Variants in CD5 observed in about 807,000 individuals in gnomAD.
CD5 encodes the protein T-cell surface glycoprotein CD5.
Under a neutral mutation model 60.3 loss-of-function variants are expected in CD5, and 36 were observed. The ratio of observed to expected loss-of-function variants is 0.60; its 90% CI spans 0.46 to 0.79. The LOEUF is 0.79. Ranked by LOEUF, CD5 falls within the 30% of genes least tolerant of loss-of-function variation. The probability of loss-of-function intolerance (pLI) is 0.00; values close to 1 mark genes in which losing one functional copy is unlikely to be tolerated. For missense variants in CD5, 540 were observed against 630.6 expected (o/e 0.86, Z 1.54); for synonymous variants, 230 against 257.6 (o/e 0.89, Z 1.03).
intron 1 of CD5, among the ~76,000 whole-genome samples, chr11:61,113,943 T>A (rs926506096): frequency 4.6e-5 from 7 of 152,224 alleles, no homozygotes; most frequent in African/African-American, 1.7e-4. Context: ...GTGCTTGGAT[T>A]ATAGGCATGG....
chr11:61,106,560 C>A (rs1246652188), intron 1 of CD5, among the ~76,000 whole-genome samples: 1 of 152,182 alleles, frequency 6.6e-6, no homozygotes, highest in East Asian at 1.9e-4. Flanking sequence ...ACCTGGCCTT[C>A]CTGGGTCACT....
intron 9 of CD5, 61 bp from the exon 10 acceptor site, chr11:61,125,690 G>A (rs1861138418): frequency 8.2e-7 from 1 of 1,222,154 alleles, no homozygotes; most frequent in Non-Finnish European, 1.2e-6. Flanking sequence ...AGCGGCTCTA[G>A]GATCCAAGGG....
At position 61,122,355 on chromosome 11, in the gene CD5, G is replaced by A. The variant is rs899586213; in HGVS notation, c.1099+451G>A. Among the ~76,000 whole-genome samples, 220 of 145,684 alleles carry A rather than the reference G, an allele frequency of 1.5e-3. 4 individuals are homozygous for A. Among genetic ancestry groups the A allele is most frequent in the African/African-American group, 5.1e-3 (198 of 38,548 alleles). ...GGATGGATGGATGGATGGATGGATC[G>A]GTGGGTGGGTGGATGGATGATGGAT... On this transcript the variant is annotated intron_variant, in intron 6 of 10. Coordinates refer to ENST00000347785, the MANE Select transcript of CD5 (RefSeq NM_014207.4).
Position 61,120,348 on chromosome 11 carries a change from C to T in CD5, c.805+773C>T, listed in dbSNP as rs190032447. On this transcript the variant is annotated intron_variant, in intron 5 of 10. Coordinates refer to ENST00000347785, the MANE Select transcript of CD5 (RefSeq NM_014207.4). ...AAGTCCACACTGTACTTACCGAGAG[C>T]TTACTTCATGCAGGGACCATTCCTG... 2.9e-3 allele frequency among the ~76,000 whole-genome samples: 443 copies of T among 152,298 alleles called. 2 individuals are homozygous for T. Among genetic ancestry groups the T allele is most frequent in the African/African-American group, 0.01 (426 of 41,560 alleles).
the CD5 span, among the ~76,000 whole-genome samples, chr11:61,094,975 T>C: frequency 6.6e-6 from 1 of 152,278 alleles, no homozygotes; most frequent in Non-Finnish European, 1.5e-5. Context: ...CAGCTAGTTT[T>C]GGACCCCCCG....
At position 61,118,405 on chromosome 11, in the gene CD5, G is replaced by A. The variant is rs1276111056; in HGVS notation, c.325G>A (p.Gly109Arg). 6 of 1,614,230 alleles carry A rather than the reference G, an allele frequency of 3.7e-6. No individual in the cohort carries two copies. Among genetic ancestry groups the A allele is most frequent in the South Asian group, 2.2e-5 (2 of 91,084 alleles). ...ACCTCAGAGCTCAATCATCTGCTAC[G>A]GACAACTGGGCTCCTTCTCCAACTG... ...YTPQSSIICY[G>R]QLGSFSNCSH... Residue 109 changes from glycine (G) to arginine (R), a missense_variant, in exon 3 of 11, where the codon GGA (glycine) becomes AGA (arginine). Gly to Arg is a moderately radical substitution (Grantham distance 125). Coordinates refer to ENST00000347785, the MANE Select transcript of CD5 (RefSeq NM_014207.4). This position sits in a 1 kb window ranked among gnomAD's most constrained non-coding sequence, Gnocchi z 4.7.
intron 10 of CD5, 69 bp downstream of exon 10, chr11:61,125,910 A>G: frequency 1.0e-6 from 1 of 987,086 alleles, no homozygotes; most frequent in Non-Finnish European, 1.5e-6. Context: ...AGCAGCAGCC[A>G]CTCAATGCCT....
At chr11:61,101,400 G>GGAGATCACACACACA (rs1860683656), upstream of CD5, among the ~76,000 whole-genome samples, 1 of 33,582 alleles carries the variant, frequency 3.0e-5, no homozygotes, top group South Asian at 1.9e-3. Flanking sequence ...ACACACACAC[G>GGAGATCACACACACA]TCAACATGGA....
Position 61,121,737 on chromosome 11 carries a change from G to A in CD5, c.932G>A (p.Arg311Gln), listed in dbSNP as rs369071318. The A allele has an allele frequency of 8.1e-6, 13 of 1,610,968 alleles. No individual in the cohort carries two copies. The highest frequency in any genetic ancestry group is 1.1e-5 in the South Asian group (1 of 90,786). The change falls in exon 6 of 11, where the codon CGG (arginine) becomes CAG (glutamine). Residue 311 changes from arginine to glutamine, a missense_variant. Coordinates refer to ENST00000347785, the MANE Select transcript of CD5 (RefSeq NM_014207.4). ...CDSSSARSSLRWEEVCREQQC... is the reference protein window; with the variant it reads ...CDSSSARSSLQWEEVCREQQC... ...AGCTCTTCAGCCAGGAGCTCGCTGC[G>A]GTGGGAGGAGGTGTGCCGGGAGCAG...
chr11:61,097,631 A>G (rs1313579029), upstream of CD5, among the ~76,000 whole-genome samples: 1 of 152,186 alleles, frequency 6.6e-6, no homozygotes, highest in East Asian at 1.9e-4. Flanking sequence ...GCACTATTAA[A>G]CCATCTTTCT....
upstream of CD5, among the ~76,000 whole-genome samples, chr11:61,099,090 G>A (rs1382384124): frequency 1.3e-5 from 2 of 152,170 alleles, no homozygotes; most frequent in African/African-American, 4.8e-5. Flanking sequence ...CCCCTGCCCC[G>A]GGCTTCCCAT....
chr11:61,115,073 C>T lies in CD5; in HGVS notation c.73C>T (p.Arg25Trp), dbSNP rs146999518. The change falls in exon 2 of 11, where the codon CGG becomes TGG. Residue 25 changes from arginine (R) to tryptophan (W), a missense_variant. Physicochemically the swap from Arg to Trp is moderately radical, Grantham distance 101. Coordinates refer to ENST00000347785, the MANE Select transcript of CD5 (RefSeq NM_014207.4). ...LGMLVASCLG[R>W]LSWYDPDFQA... Reference sequence around the variant, plus strand: ...TTCTGCAGTCGCTTCCTGCCTCGGACGGCTCAGCTGGTATGACCCAGGTAA... The same window carrying T: ...TTCTGCAGTCGCTTCCTGCCTCGGATGGCTCAGCTGGTATGACCCAGGTAA... 3.3e-5 allele frequency: 51 copies of T among 1,558,766 alleles called. No individual in the cohort carries two copies. The highest frequency in any genetic ancestry group is 5.7e-5 in the Admixed American group (3 of 52,262).
chr11:61,101,268 A>C (rs375877634), upstream of CD5, among the ~76,000 whole-genome samples: 925 of 64,362 alleles, frequency 0.014, 5 homozygotes, highest in East Asian at 0.098. Context: ...GGAGATCACA[A>C]ACACACATCA....
the CD5 span, among the ~76,000 whole-genome samples, chr11:61,097,354 C>G: frequency 6.6e-6 from 1 of 152,106 alleles, no homozygotes; most frequent in Non-Finnish European, 1.5e-5. Flanking sequence ...TATTGCATAG[C>G]TAGAGAAGGA....
chr11:61,125,043 C>T lies in CD5; in HGVS notation c.1291C>T (p.Arg431Cys), dbSNP rs775211750. 1.2e-5 allele frequency: 19 copies of T among 1,614,078 alleles called. No homozygotes were observed. Among genetic ancestry groups the T allele is most frequent in the East Asian group, 2.2e-5 (1 of 44,860 alleles). The part of the protein sequence containing the change: ...TGMNQNMSFH[R>C]NHTATVRSHA... ...TACCATCTGCCCAGTGTCTTTCCATCGCAACCACACGGCAACCGTCCGATC... is the reference window on the plus strand; with the variant it reads ...TACCATCTGCCCAGTGTCTTTCCATTGCAACCACACGGCAACCGTCCGATC... The change falls in exon 9 of 11, where the codon CGC becomes TGC. Residue 431 changes from arginine to cysteine, a missense_variant. Physicochemically the swap from Arg to Cys is radical, Grantham distance 180. Coordinates refer to ENST00000347785, the MANE Select transcript of CD5 (RefSeq NM_014207.4).
rs1225971423 is a variant in CD5, at chr11:61,125,773, C to T, written c.1422C>T (p.Arg474=). 1 of 1,612,026 alleles carries T rather than the reference C, an allele frequency of 6.2e-7. No individual in the cohort carries two copies. Among genetic ancestry groups the T allele is most frequent in the East Asian group, 2.2e-5 (1 of 44,796 alleles). The change falls in exon 10 of 11, where the codon CGC becomes CGT. Residue 474 remains arginine (R), a synonymous_variant. Transcript: ENST00000347785. ...CAGCTCTGGAAGGGGCTCTGCATCG[C>T]TCCTCCATGCAGCCTGACAACTCCT... The part of the protein sequence containing the change: ...AYPALEGALH[R]SSMQPDNSSD...
At chr11:61,097,190 T>C in the CD5 span, among the ~76,000 whole-genome samples, 1 of 152,220 alleles carries the variant, frequency 6.6e-6, no homozygotes, top group Non-Finnish European at 1.5e-5. Flanking sequence ...TCAATGTCAC[T>C]TCATGTTATG....
upstream of CD5, among the ~76,000 whole-genome samples, chr11:61,102,219 G>A (rs145208462): frequency 6.5e-3 from 991 of 152,134 alleles, 12 homozygotes; most frequent in African/African-American, 0.022. Flanking sequence ...CGTAACCCCC[G>A]CTCAGGGTCC....
rs1231851978 is a variant in CD5 at position 61,127,696 on chromosome 11, G to C, written c.*1411G>C. On this transcript the variant is annotated 3_prime_UTR_variant, in exon 11 of 11. Coordinates refer to ENST00000347785, the MANE Select transcript of CD5 (RefSeq NM_014207.4). The stretch of plus-strand genomic sequence containing the variant: ...AAAGGGAACTGAGAGGCTGCTCTTA[G>C]GGAGGGCAAAGGTTCGGGGGCAGCC... 6.6e-6 allele frequency: 1 copy of C among 152,234 alleles called. No individual in the cohort carries two copies. Among genetic ancestry groups the C allele is most frequent in the African/African-American group, 2.4e-5 (1 of 41,460 alleles). 9.4% of individuals were successfully genotyped at this position (152,234 alleles called of 1,614,324 possible).
Sources: gnomAD v4.1 joint callset for allele counts (sites outside exome capture counted in the v4.1 genomes callset) on GRCh38, gnomAD v4.1.1 for gene constraint, Gnocchi (gnomAD v3.1) non-coding constraint, MANE v1.5 for transcripts, NCBI Gene and HGNC (gene_info 2026-07-23, HGNC 2026-07-21) for gene names.